WDFY3: variants seen among roughly 807,000 people sequenced by gnomAD.
WDFY3 encodes the protein WD repeat and FYVE domain-containing protein 3.
A neutral mutation model predicts 409.6 loss-of-function variants in WDFY3; 66 were observed. The observed-to-expected ratio is 0.16, with a 90% CI of 0.13 to 0.20. The LOEUF is 0.20. WDFY3 is among the 10% of genes least tolerant of loss of function. The pLI is 1.00. For missense variants in WDFY3, 3,031 were observed against 4,298.1 expected (o/e 0.71, Z 8.24); for synonymous variants, 1,521 against 1,537.1 (o/e 0.99, Z 0.25).
intron 1 of WDFY3, among the ~76,000 whole-genome samples, chr4:84,947,097 G>A (rs1234917117): frequency 6.6e-6 from 1 of 151,540 alleles, no homozygotes; most frequent in Non-Finnish European, 1.5e-5. Flanking sequence ...GTGAGCCACC[G>A]TGCCCGGCCA....
chr4:84,828,871 G>GTATACTGTGATTGCACC lies in WDFY3; in HGVS notation c.956+132_956+133insGGTGCAATCACAGTATA, dbSNP rs1450503179. ...CTGTGATTGCACCAGAAAAAGAAGG[G>GTATACTGTGATTGCACC]AGTAAAGCCAGGTATACATTAAATA... is the stretch of plus-strand genomic sequence containing the variant. On this transcript the variant is annotated intron_variant, in intron 9 of 67. Transcript: ENST00000295888. 126 of 885,888 alleles carry GTATACTGTGATTGCACC rather than the reference G, an allele frequency of 1.4e-4. No homozygotes were observed. In the Middle Eastern group the frequency reaches 2.4e-3, roughly 17 times the overall value. The allele number at this position is 885,888 out of a possible 1,614,324, so 54.9% of individuals were successfully genotyped here.
chr4:84,707,725 A>G lies in WDFY3; in HGVS notation c.8217+1184T>C, dbSNP rs76769971. Among the ~76,000 whole-genome samples the G allele has an allele frequency of 0.011, 1,744 of 152,328 alleles. 94 individuals are homozygous for G. In the East Asian group the frequency reaches 0.18, roughly 15 times the overall value. On this transcript the variant is annotated intron_variant, in intron 53 of 67. Coordinates refer to ENST00000295888, the MANE Select transcript of WDFY3 (RefSeq NM_014991.6). ...CTAACTTTCCTTGATTGACTTAAAG[A>G]AAAAATATTTTCATTTATCAATCTT...
At chr4:84,727,844 C>G (rs1328343405) in intron 44 of WDFY3, among the ~76,000 whole-genome samples, 1 of 152,082 alleles carries the variant, frequency 6.6e-6, no homozygotes, top group Admixed American at 6.5e-5. Flanking sequence ...TTTAGTGATT[C>G]TTTCTTTTTA....
At chr4:84,781,387 C>CTTTTTTTT (rs200260886) in intron 25 of WDFY3, among the ~76,000 whole-genome samples, 1 of 145,098 alleles carries the variant, frequency 6.9e-6, no homozygotes, top group South Asian at 2.2e-4. Context: ...CCTTCTTTCC[C>CTTTTTTTT]TTTTGTTTTT....
In WDFY3 at chr4:84,734,783, G is replaced by A. The variant is rs953314061; in HGVS notation, c.6993+260C>T. 8.5e-5 allele frequency among the ~76,000 whole-genome samples: 13 copies of A among 152,142 alleles called. 1 individual carries two copies. Among genetic ancestry groups the A allele is most frequent in the Admixed American group, 8.5e-4 (13 of 15,276 alleles). On this transcript the variant is annotated intron_variant, in intron 43 of 67. Coordinates refer to ENST00000295888, the MANE Select transcript of WDFY3 (RefSeq NM_014991.6). ...AACAAAGACATGTAACATATCAGTA[G>A]TGAATGTCAACAGAATTCAGCTGGG... is the stretch of plus-strand genomic sequence containing the variant.
intron 65 of WDFY3, 95 bp downstream of exon 65, chr4:84,678,824 G>A (rs1401469657): frequency 7.2e-7 from 1 of 1,382,678 alleles, no homozygotes; most frequent in Non-Finnish European, 9.9e-7. Flanking sequence ...CACATCCAGG[G>A]TGGGGCCCAG....
intron 14 of WDFY3, chr4:84,809,040 C>A (rs936481609): frequency 2.0e-5 from 3 of 152,092 alleles, no homozygotes; most frequent in Admixed American, 2.0e-4. Flanking sequence ...TTGATGAGGG[C>A]AGTTCATTTA....
At chr4:84,757,573 TTATGA>T (rs1741679095) in intron 32 of WDFY3, among the ~76,000 whole-genome samples, 1 of 152,116 alleles carries the variant, frequency 6.6e-6, no homozygotes, top group African/African-American at 2.4e-5. Flanking sequence ...AATATCCTTG[TTATGA>T]TATATTTTTA....
At chr4:84,943,978 C>T (rs1487216391) in intron 1 of WDFY3, among the ~76,000 whole-genome samples, 1 of 152,068 alleles carries the variant, frequency 6.6e-6, no homozygotes, top group Non-Finnish European at 1.5e-5. Context: ...ATATATGGCA[C>T]TTTTGTTAAT....
intron 35 of WDFY3, among the ~76,000 whole-genome samples, chr4:84,752,159 AAAC>A (rs986749218): frequency 2.1e-4 from 32 of 152,242 alleles, no homozygotes; most frequent in Middle Eastern, 3.4e-3. Context: ...TTTAAAAAAA[AAAC>A]AACAATATTG....
intron 2 of WDFY3, among the ~76,000 whole-genome samples, chr4:84,928,093 G>T (rs1477598863): frequency 6.6e-6 from 1 of 152,178 alleles, no homozygotes; most frequent in African/African-American, 2.4e-5. Flanking sequence ...AGTGGGCACT[G>T]TCAAATCAGC....
In WDFY3 at chr4:84,692,914, T is replaced by C; in HGVS notation, c.9020A>G (p.Asn3007Ser). 1 of 1,611,884 alleles carries C rather than the reference T, an allele frequency of 6.2e-7. No individual in the cohort carries two copies. The highest frequency in any genetic ancestry group is 8.5e-7 in the Non-Finnish European group (1 of 1,179,610). ...SDKIFFHHLD[N>S]LRPSLTPVKE... ...TACAGGTGTTAGAGAAGGCCTCAAGTTGTCTAGATGATGAAAAAAGATCTT... is the reference window on the plus strand; with the variant it reads ...TACAGGTGTTAGAGAAGGCCTCAAGCTGTCTAGATGATGAAAAAAGATCTT... The change falls in exon 59 of 68, where the codon AAC becomes AGC. Residue 3007 changes from asparagine (N) to serine (S), a missense_variant. Physicochemically the swap from Asn to Ser is conservative, Grantham distance 46. Transcript: ENST00000295888.
At chr4:84,770,173 C>A (rs954675554) in intron 30 of WDFY3, among the ~76,000 whole-genome samples, 1 of 151,782 alleles carries the variant, frequency 6.6e-6, no homozygotes, top group African/African-American at 2.4e-5. Flanking sequence ...GGACCACAGG[C>A]GCCCACCACC....
intron 62 of WDFY3, among the ~76,000 whole-genome samples, chr4:84,686,452 G>C (rs1728346141): frequency 6.6e-6 from 1 of 152,168 alleles, no homozygotes; most frequent in Admixed American, 6.5e-5. Context: ...ATTGACAACT[G>C]TAAGTGAATT....
chr4:84,948,593 G>GTCA (rs1773200637), intron 1 of WDFY3, among the ~76,000 whole-genome samples: 2 of 152,276 alleles, frequency 1.3e-5, no homozygotes, highest in Non-Finnish European at 2.9e-5. Context: ...TCTGGATCAA[G>GTCA]TCATCACTAA....
intron 65 of WDFY3, 28 bp downstream of exon 65, chr4:84,678,891 G>A (rs1451732844): frequency 1.3e-6 from 2 of 1,588,738 alleles, no homozygotes; most frequent in Non-Finnish European, 1.7e-6. Flanking sequence ...TATAAGGAGT[G>A]AGAAATAGAT....
chr4:84,859,914 T>C (rs546822022), intron 4 of WDFY3, among the ~76,000 whole-genome samples: 1 of 152,342 alleles, frequency 6.6e-6, no homozygotes, highest in African/African-American at 2.4e-5. Flanking sequence ...ACAAGATTGC[T>C]ACATGTAATT....
At chr4:84,749,102 T>A (rs777304959) in intron 36 of WDFY3, among the ~76,000 whole-genome samples, 45 of 152,094 alleles carry the variant, frequency 3.0e-4, no homozygotes, top group Non-Finnish European at 4.9e-4. Flanking sequence ...CCCGGGTTGG[T>A]CTTGAACTCC....
chr4:84,876,247 G>A (rs1213866315), intron 3 of WDFY3, among the ~76,000 whole-genome samples: 25 of 152,226 alleles, frequency 1.6e-4, no homozygotes, highest in Admixed American at 1.4e-3. Context: ...CATATATGCC[G>A]TCTGTTGTTC....
Sources: gnomAD v4.1 joint callset for allele counts (sites outside exome capture counted in the v4.1 genomes callset) on GRCh38, gnomAD v4.1.1 for gene constraint, MANE v1.5 for transcripts, NCBI Gene and HGNC (gene_info 2026-07-23, HGNC 2026-07-21) for gene names.